MAST4: variants seen among roughly 807,000 people sequenced by gnomAD.
MAST4 encodes microtubule associated serine/threonine kinase family member 4, also known as microtubule-associated serine/threonine-protein kinase 4.
A neutral mutation model predicts 162.7 loss-of-function variants in MAST4; 89 were observed. That is an observed-to-expected ratio of 0.55 (90% CI 0.46 to 0.65). The LOEUF (loss-of-function observed/expected upper bound fraction) is 0.65, where lower values mean the gene tolerates loss of function less well. MAST4 is among the 30% of genes least tolerant of loss of function. MAST4 has a pLI of 0.00. For missense variants in MAST4, 3,153 were observed against 3,374.0 expected, an observed-to-expected ratio of 0.93 and a Z score of 1.62; for synonymous variants, 1,479 against 1,361.1, an observed-to-expected ratio of 1.09 and a Z score of -1.91.
At chr5:66,651,778 G>A (rs1222617729) in intron 1 of MAST4, among the ~76,000 whole-genome samples, 1 of 152,080 alleles carries the variant, frequency 6.6e-6, no homozygotes, top group African/African-American at 2.4e-5. Flanking sequence ...TCAGCTGGGG[G>A]AAGACCTACT....
chr5:67,047,273 C>G (rs1373837629), intron 4 of MAST4, among the ~76,000 whole-genome samples: 2 of 152,228 alleles, frequency 1.3e-5, no homozygotes, highest in Non-Finnish European at 2.9e-5. Flanking sequence ...AGGGACCAGA[C>G]TCTGCACTGT....
chr5:66,976,093 T>C (rs1217129988), intron 4 of MAST4, among the ~76,000 whole-genome samples: 2 of 152,254 alleles, frequency 1.3e-5, no homozygotes, highest in African/African-American at 2.4e-5. Context: ...CCTTGCCATG[T>C]AGTTGACAGC....
At chr5:66,995,314 T>A (rs1750508120) in intron 4 of MAST4, among the ~76,000 whole-genome samples, 1 of 152,214 alleles carries the variant, frequency 6.6e-6, no homozygotes, top group Non-Finnish European at 1.5e-5. Flanking sequence ...TTGTAAACTC[T>A]TCAAAGTATT....
intron 1 of MAST4, among the ~76,000 whole-genome samples, chr5:66,603,058 C>T (rs74410580): frequency 1.3e-5 from 2 of 152,268 alleles, no homozygotes; most frequent in East Asian, 3.9e-4. Flanking sequence ...GGTATTGGTA[C>T]CATCAGCACC....
intron 10 of MAST4, among the ~76,000 whole-genome samples, chr5:67,107,127 C>G (rs1173948583): frequency 6.6e-6 from 1 of 152,208 alleles, no homozygotes; most frequent in African/African-American, 2.4e-5. Context: ...ACTCCTAATT[C>G]TGCAATTCTG....
intron 2 of MAST4, among the ~76,000 whole-genome samples, chr5:66,772,869 T>C (rs1640281165): frequency 6.6e-6 from 1 of 152,196 alleles, no homozygotes; most frequent in Admixed American, 6.5e-5. Context: ...TTAGCTACCA[T>C]GGTGAGGGAG....
chr5:66,742,869 C>G (rs1752550727), intron 1 of MAST4, among the ~76,000 whole-genome samples: 1 of 152,176 alleles, frequency 6.6e-6, no homozygotes, highest in African/African-American at 2.4e-5. Flanking sequence ...ATTCAGAGTA[C>G]AGTGTCATCA....
At chr5:66,958,603 C>T (rs149211438) in intron 4 of MAST4, among the ~76,000 whole-genome samples, 315 of 152,278 alleles carry the variant, frequency 2.1e-3, no homozygotes, top group African/African-American at 7.2e-3. Flanking sequence ...TGCGGCACAA[C>T]GGAGTCTGAC....
At chr5:67,124,965 T>C (rs1253097748) in intron 14 of MAST4, among the ~76,000 whole-genome samples, 1 of 152,204 alleles carries the variant, frequency 6.6e-6, no homozygotes, top group Non-Finnish European at 1.5e-5. Flanking sequence ...CTCAAACATA[T>C]TGCAGAGCAG....
At chr5:67,159,864 A>G (rs1772988751) in intron 26 of MAST4, among the ~76,000 whole-genome samples, 2 of 152,194 alleles carry the variant, frequency 1.3e-5, no homozygotes, top group Non-Finnish European at 1.5e-5. Context: ...CTGCAAACTG[A>G]TAGGTTTTAT....
chr5:66,710,163 T>C (rs1750404541), intron 1 of MAST4, among the ~76,000 whole-genome samples: 1 of 152,232 alleles, frequency 6.6e-6, no homozygotes, highest in Non-Finnish European at 1.5e-5. Flanking sequence ...CTCCTGGATT[T>C]AGTAATTTTT....
chr5:66,910,542 AT>A (rs1205286023), intron 4 of MAST4, among the ~76,000 whole-genome samples: 2 of 152,088 alleles, frequency 1.3e-5, no homozygotes, highest in Non-Finnish European at 2.9e-5. Context: ...CTCCTCTGCC[AT>A]TTTGACTCTT....
intron 4 of MAST4, among the ~76,000 whole-genome samples, chr5:67,049,704 T>G (rs1757941179): frequency 6.6e-6 from 1 of 152,226 alleles, no homozygotes; most frequent in Non-Finnish European, 1.5e-5. Flanking sequence ...TATTTTTTAC[T>G]GAATGTTGAC....
intron 1 of MAST4, among the ~76,000 whole-genome samples, chr5:66,694,184 T>G (rs750418266): frequency 3.3e-5 from 5 of 152,164 alleles, no homozygotes; most frequent in Admixed American, 6.5e-5. Context: ...TTGAATTTCT[T>G]GGAATAGAGC....
chr5:67,005,172 C>T, intron 4 of MAST4: 1 of 713,390 alleles, frequency 1.4e-6, no homozygotes, highest in Non-Finnish European at 2.6e-6. Context: ...CCCTCAGGAG[C>T]TGGGGTTTTG....
At chr5:66,828,673 C>T (rs1294179550) in intron 3 of MAST4, 2 of 881,298 alleles carry the variant, frequency 2.3e-6, no homozygotes, top group Non-Finnish European at 3.4e-6. Flanking sequence ...CCGTGATCTC[C>T]GAAGTTGCTG....
In MAST4 at chr5:66,820,841, T is replaced by C. The variant is rs1361146019; in HGVS notation, c.642+32047T>C. On this transcript the variant is annotated intron_variant, in intron 3 of 28. Transcript: ENST00000403625. ...TTTTTCAATACCATGATTCCTGTCA[T>C]ATTGTCAGTAGTGATTTGATGGCTA... Among the ~76,000 whole-genome samples, 4 of 152,166 alleles carry C rather than the reference T, an allele frequency of 2.6e-5. No individual in the cohort carries two copies. In the South Asian group the frequency reaches 8.3e-4, roughly 32 times the overall value.
At chr5:66,931,939 G>A (rs775974417) in intron 4 of MAST4, among the ~76,000 whole-genome samples, 34 of 152,142 alleles carry the variant, frequency 2.2e-4, no homozygotes, top group Non-Finnish European at 4.0e-4. Flanking sequence ...GGGAATTATA[G>A]TTAGTATCCA....
intron 4 of MAST4, among the ~76,000 whole-genome samples, chr5:66,934,412 G>A (rs1440850224): frequency 6.6e-6 from 1 of 152,058 alleles, no homozygotes; most frequent in African/African-American, 2.4e-5. Context: ...AATTGAAGTA[G>A]TAATATTTAG....
Sources: allele counts gnomAD v4.1 joint callset (sites outside exome capture counted in the v4.1 genomes callset), GRCh38; gene constraint gnomAD v4.1.1; transcripts MANE v1.5; gene names NCBI Gene and HGNC (gene_info 2026-07-23, HGNC 2026-07-21).